Variants in SRGAP1 observed in about 807,000 individuals in gnomAD.
SRGAP1 encodes SLIT-ROBO Rho GTPase-activating protein 1.
Under a neutral mutation model 121.9 loss-of-function variants are expected in SRGAP1, and 43 were observed. That is an observed-to-expected ratio of 0.35 (90% CI 0.28 to 0.46). SRGAP1 has a LOEUF of 0.46. SRGAP1 is among the 20% of genes least tolerant of loss of function. The pLI is 1.00. For missense variants in SRGAP1, 1,102 were observed against 1,350.9 expected, an observed-to-expected ratio of 0.82 and a Z score of 2.89; for synonymous variants, 447 against 485.4, an observed-to-expected ratio of 0.92 and a Z score of 1.04.
At chr12:64,033,163 T>A (rs2034820728) in intron 4 of SRGAP1, among the ~76,000 whole-genome samples, 1 of 152,130 alleles carries the variant, frequency 6.6e-6, no homozygotes, top group Non-Finnish European at 1.5e-5. Context: ...CCCTTTGTTT[T>A]ACTTAGTCCC....
At chr12:63,913,191 C>T (rs1378229110) in intron 1 of SRGAP1, among the ~76,000 whole-genome samples, 1 of 111,810 alleles carries the variant, frequency 8.9e-6, no homozygotes, top group Admixed American at 1.1e-4. Flanking sequence ...CTGGTAAATC[C>T]TTCTTTTTTT....
intron 12 of SRGAP1, among the ~76,000 whole-genome samples, chr12:64,094,059 G>GT (rs1263579604): frequency 1.3e-5 from 2 of 151,950 alleles, no homozygotes; most frequent in Non-Finnish European, 2.9e-5. Context: ...CTGTGGTTTT[G>GT]TTTTTTTGGC....
At chr12:64,082,630 G>A (rs2136568445) in intron 10 of SRGAP1, among the ~76,000 whole-genome samples, 1 of 152,114 alleles carries the variant, frequency 6.6e-6, no homozygotes, top group South Asian at 2.1e-4. Flanking sequence ...TGTATTTTTA[G>A]TAGAGACAGG....
intron 15 of SRGAP1, among the ~76,000 whole-genome samples, chr12:64,106,340 C>T (rs1189037879): frequency 6.6e-6 from 1 of 152,112 alleles, no homozygotes; most frequent in Non-Finnish European, 1.5e-5. Context: ...TATGCTAAAT[C>T]ATCTTTGTCT....
chr12:63,965,963 G>T (rs1373877370), intron 1 of SRGAP1, among the ~76,000 whole-genome samples: 1 of 152,148 alleles, frequency 6.6e-6, no homozygotes, highest in Non-Finnish European at 1.5e-5. Context: ...GGATTTACAG[G>T]CATCCGCCAT....
intron 18 of SRGAP1, chr12:64,116,117 C>T (rs546958848): frequency 4.6e-5 from 21 of 461,296 alleles, no homozygotes; most frequent in African/African-American, 8.1e-5. Context: ...ATTAGCCAGG[C>T]GTGGTGATGT....
At chr12:64,114,255 C>T (rs535083594) in intron 17 of SRGAP1, among the ~76,000 whole-genome samples, 148 of 151,288 alleles carry the variant, frequency 9.8e-4, no homozygotes, top group Non-Finnish European at 1.6e-3. Context: ...ATGAATGCAA[C>T]TCAACCCTGC....
At chr12:64,087,204 C>G (rs147084363) in intron 11 of SRGAP1, among the ~76,000 whole-genome samples, 178 bp downstream of exon 11, 1 of 152,276 alleles carries the variant, frequency 6.6e-6, no homozygotes, top group East Asian at 1.9e-4. Context: ...TATGTTCTAG[C>G]TTATTTTTGT....
intron 6 of SRGAP1, among the ~76,000 whole-genome samples, chr12:64,061,670 C>T (rs967495385): frequency 6.6e-6 from 1 of 152,120 alleles, no homozygotes; most frequent in Admixed American, 6.5e-5. Flanking sequence ...CAAAGAAATC[C>T]TGCATCTCTC....
intron 3 of SRGAP1, among the ~76,000 whole-genome samples, chr12:63,998,546 G>A (rs2033782158): frequency 1.3e-5 from 2 of 152,116 alleles, no homozygotes; most frequent in African/African-American, 4.8e-5. Flanking sequence ...AGCACCCATA[G>A]GCACCATGAA....
rs1190681386 is a variant in SRGAP1 at position 64,153,066 on chromosome 12, GCTTGAATGCCAC to G, written c.*10399_*10410del. ...TAGGAGAAGCATTTTAGATGGGACAGCTTGAATGCCACCTTGGATGTGGTAGCATTTGAGCTA... is the reference window on the plus strand; with the variant it reads ...TAGGAGAAGCATTTTAGATGGGACAGCTTGGATGTGGTAGCATTTGAGCTA... On this transcript the variant is annotated 3_prime_UTR_variant, in exon 22 of 22. Transcript: ENST00000355086. 9 of 152,044 alleles carry G rather than the reference GCTTGAATGCCAC, an allele frequency of 5.9e-5. No individual in the cohort carries two copies. Among genetic ancestry groups the G allele is most frequent in the Non-Finnish European group, 1.2e-4 (8 of 68,010 alleles). 9.4% of individuals were successfully genotyped at this position (152,044 alleles called of 1,614,324 possible).
At position 63,844,771 on chromosome 12, in the gene SRGAP1, C is replaced by T. The variant is rs751092477; in HGVS notation, c.-46C>T. On this transcript the variant is annotated 5_prime_UTR_variant, in exon 1 of 22. Coordinates refer to ENST00000355086, the MANE Select transcript of SRGAP1 (RefSeq NM_020762.4). The surrounding 1 kb of genome is among the most constrained non-coding windows in gnomAD (Gnocchi z 4.3). Reference sequence around the variant, plus strand: ...CTCCAAGGAGAACGGGTTGTGACCACTGAACAAAACTTGCCCATTGAAAGC... The same window carrying T: ...CTCCAAGGAGAACGGGTTGTGACCATTGAACAAAACTTGCCCATTGAAAGC... 1 of 1,600,888 alleles carries T rather than the reference C, an allele frequency of 6.2e-7. No homozygotes were observed. The highest frequency in any genetic ancestry group is 8.6e-7 in the Non-Finnish European group (1 of 1,167,878).
chr12:64,127,404 G>A (rs1459366617), intron 19 of SRGAP1, among the ~76,000 whole-genome samples, 186 bp from the exon 20 acceptor site: 1 of 152,136 alleles, frequency 6.6e-6, no homozygotes, highest in Non-Finnish European at 1.5e-5. Context: ...TGTTGTACCT[G>A]TAATGAAATT....
chr12:63,865,511 A>G (rs1440903544), intron 1 of SRGAP1, among the ~76,000 whole-genome samples: 1 of 152,218 alleles, frequency 6.6e-6, no homozygotes, highest in Non-Finnish European at 1.5e-5. Context: ...TTGTGATTCA[A>G]CAAATTCTTG....
intron 9 of SRGAP1, among the ~76,000 whole-genome samples, chr12:64,079,637 G>A (rs1045940569): frequency 1.3e-5 from 2 of 151,946 alleles, no homozygotes; most frequent in Non-Finnish European, 2.9e-5. Flanking sequence ...AGTGAGCTGA[G>A]ATCATTCTAC....
intron 2 of SRGAP1, among the ~76,000 whole-genome samples, 200 bp downstream of exon 2, chr12:63,984,342 T>C (rs77687520): frequency 0.045 from 6,778 of 152,286 alleles, 507 homozygotes; most frequent in African/African-American, 0.15. Flanking sequence ...TTGACACTTT[T>C]GTCTTTCCAA....
intron 1 of SRGAP1, among the ~76,000 whole-genome samples, chr12:63,977,893 C>T (rs1251815556): frequency 3.3e-5 from 5 of 152,130 alleles, no homozygotes; most frequent in Non-Finnish European, 5.9e-5. Flanking sequence ...ATAATGACTG[C>T]TTACAGCCTC....
intron 1 of SRGAP1, among the ~76,000 whole-genome samples, chr12:63,890,177 C>A (rs1443807460): frequency 3.3e-5 from 5 of 152,192 alleles, no homozygotes; most frequent in Non-Finnish European, 4.4e-5. Flanking sequence ...TTAGCTCACA[C>A]CTCTCCCACT....
chr12:63,874,236 C>T (rs1899954546), intron 1 of SRGAP1, among the ~76,000 whole-genome samples: 1 of 151,832 alleles, frequency 6.6e-6, no homozygotes, highest in Non-Finnish European at 1.5e-5. Context: ...TGGAGTCTGC[C>T]TCTGTCTCCC....
Sources: allele counts gnomAD v4.1 joint callset (sites outside exome capture counted in the v4.1 genomes callset), GRCh38; gene constraint gnomAD v4.1.1; non-coding constraint Gnocchi (gnomAD v3.1); transcripts MANE v1.5; gene names NCBI Gene and HGNC (gene_info 2026-07-23, HGNC 2026-07-21).